The following RAG1 variants were observed in gnomAD, a reference collection of about 807,000 sequenced individuals.
The protein encoded by RAG1 is recombination activating 1.
RAG1 carries 35 observed loss-of-function variants against 62.7 expected under a neutral mutation model. The ratio of observed to expected loss-of-function variants is 0.56; its 90% CI spans 0.43 to 0.74. The LOEUF (loss-of-function observed/expected upper bound fraction) is 0.74, where lower values mean the gene tolerates loss of function less well. RAG1 is among the 30% of genes least tolerant of loss of function. The pLI is 0.00. For synonymous variants in RAG1, 461 were observed against 470.3 expected, an observed-to-expected ratio of 0.98 and a Z score of 0.26; for missense variants, 1,169 against 1,278.6, an observed-to-expected ratio of 0.91 and a Z score of 1.31.
At chr11:36,541,882 T>TA (rs1177859768) in intron 3 of RAG1, among the ~76,000 whole-genome samples, 10 of 150,940 alleles carry the variant, frequency 6.6e-5, no homozygotes, top group Non-Finnish European at 1.0e-4. Context: ...AAGACGACCC[T>TA]AAAAAAAAAC....
At chr11:36,551,244 CCCTT>C (rs1850476848) in intron 3 of RAG1, among the ~76,000 whole-genome samples, 1 of 152,080 alleles carries the variant, frequency 6.6e-6, no homozygotes. Context: ...ATTTATGACT[CCCTT>C]CCTTTGGCAT....
In RAG1 at chr11:36,512,235, G is replaced by A. The variant is rs115594242; in HGVS notation, n.330+1197G>A. Among the ~76,000 whole-genome samples the A allele has an allele frequency of 3.2e-3, 480 of 152,296 alleles. 2 individuals are homozygous for A. The highest frequency in any genetic ancestry group is 0.011 in the African/African-American group (440 of 41,568). ...ATGCATATCATTCCTAGGTCAAAGC[G>A]TTTTATTTTCATTGCAAGACTGTTT... On this transcript the variant is annotated intron_variant and non_coding_transcript_variant, in intron 1 of 2. Transcript: ENST00000529126.
In RAG1 at chr11:36,575,557, A is replaced by C; in HGVS notation, c.2253A>C (p.Arg751Ser). The change falls in exon 2 of 2, where the codon AGA becomes AGC. Residue 751 changes from arginine to serine, a missense_variant. Arg to Ser is a moderately radical substitution (Grantham distance 110). Around this residue, in one of 2 missense-constraint regions of RAG1, gnomAD observed 800 missense variants for 943.3 expected, o/e 0.85. Transcript: ENST00000299440. This position sits in a 1 kb window ranked among gnomAD's most constrained non-coding sequence, Gnocchi z 4.1. ...ATCTTGTCTTCCACTCTATAACCAG[A>C]AGCCATGCTGAGAACCTGGAACGTT... is the stretch of plus-strand genomic sequence containing the variant. ...SQNLVFHSITRSHAENLERYE... is the reference protein window; with the variant it reads ...SQNLVFHSITSSHAENLERYE... 1 of 1,614,180 alleles carries C rather than the reference A, an allele frequency of 6.2e-7. No individual in the cohort carries two copies. Among genetic ancestry groups the C allele is most frequent in the Non-Finnish European group, 8.5e-7 (1 of 1,180,038 alleles).
chr11:36,570,631 C>T (rs568252585), intron 1 of RAG1, among the ~76,000 whole-genome samples: 9 of 152,286 alleles, frequency 5.9e-5, no homozygotes, highest in Non-Finnish European at 1.2e-4. Context: ...AATTTACATT[C>T]CTACCAACTG....
chr11:36,546,372 T>A (rs1850392879), intron 3 of RAG1, among the ~76,000 whole-genome samples: 1 of 152,200 alleles, frequency 6.6e-6, no homozygotes, highest in Non-Finnish European at 1.5e-5. Flanking sequence ...GTTTAAAGTC[T>A]GTTTTATTAG....
rs377252087 is a variant in RAG1 at position 36,575,541 on chromosome 11, T to G, written c.2237T>G (p.Phe746Cys). 1.9e-6 allele frequency: 3 copies of G among 1,614,086 alleles called. No individual in the cohort carries two copies. In the African/African-American group the frequency reaches 4.0e-5, roughly 22 times the overall value. ...CTGGAAGCCTCTCAAAATCTTGTCT[T>G]CCACTCTATAACCAGAAGCCATGCT... ...TRLEASQNLV[F>C]HSITRSHAEN... The change falls in exon 2 of 2, where the codon TTC becomes TGC. Residue 746 changes from phenylalanine (F) to cysteine (C), a missense_variant. Phe to Cys is a radical substitution (Grantham distance 205). Around this residue, in one of 2 missense-constraint regions of RAG1, gnomAD observed 800 missense variants for 943.3 expected, o/e 0.85. Coordinates refer to ENST00000299440, the MANE Select transcript of RAG1 (RefSeq NM_000448.3). The surrounding 1 kb of genome is among the most constrained non-coding windows in gnomAD (Gnocchi z 4.1).
rs1317842420 is a variant in RAG1 at position 36,575,046 on chromosome 11, T to C, written c.1742T>C (p.Met581Thr). 15 of 1,614,050 alleles carry C rather than the reference T, an allele frequency of 9.3e-6. No individual in the cohort carries two copies. Among genetic ancestry groups the C allele is most frequent in the Non-Finnish European group, 1.1e-5 (13 of 1,179,946 alleles). ...ATGGAAGAAGACATCTTGGAAGGCA[T>C]GAGATCCCAAGACCTTGATGATTAC... is the stretch of plus-strand genomic sequence containing the variant. ...MDMEEDILEG[M>T]RSQDLDDYLN... Residue 581 changes from methionine to threonine, a missense_variant, in exon 2 of 2, where the codon ATG becomes ACG. This residue lies in a region of RAG1 where 800 missense variants were observed against 943.3 expected (regional missense o/e 0.85). Coordinates refer to ENST00000299440, the MANE Select transcript of RAG1 (RefSeq NM_000448.3). The surrounding 1 kb of genome is among the most constrained non-coding windows in gnomAD (Gnocchi z 4.1).
intron 2 of RAG1, among the ~76,000 whole-genome samples, chr11:36,521,999 G>A (rs1225562696): frequency 6.6e-6 from 1 of 152,000 alleles, no homozygotes; most frequent in Non-Finnish European, 1.5e-5. Flanking sequence ...TGCTGTTAAA[G>A]GCATTCAGTT....
Position 36,574,865 on chromosome 11 carries a change from G to C in RAG1, c.1561G>C (p.Glu521Gln). The change falls in exon 2 of 2, where the codon GAG becomes CAG. Residue 521 changes from glutamate to glutamine, a missense_variant. Physicochemically the swap from Glu to Gln is conservative, Grantham distance 29. Coordinates refer to ENST00000299440, the MANE Select transcript of RAG1 (RefSeq NM_000448.3). ...KVLLPGYHHF[E>Q]WQPPLKNVSS... is the part of the protein sequence containing the mutation. ...ACTTCTGCCAGGCTACCACCACTTT[G>C]AGTGGCAGCCACCTCTGAAGAATGT... 6.2e-7 allele frequency: 1 copy of C among 1,614,234 alleles called. No individual in the cohort carries two copies. The highest frequency in any genetic ancestry group is 1.1e-5 in the South Asian group (1 of 91,086).
chr11:36,543,769 T>C (rs1445462334), intron 3 of RAG1, among the ~76,000 whole-genome samples: 1 of 152,238 alleles, frequency 6.6e-6, no homozygotes, highest in Non-Finnish European at 1.5e-5. Flanking sequence ...TCAACCTTTT[T>C]GGGGGGAACT....
intron 3 of RAG1, among the ~76,000 whole-genome samples, chr11:36,548,734 G>A (rs918290462): frequency 6.6e-6 from 1 of 152,124 alleles, no homozygotes; most frequent in Non-Finnish European, 1.5e-5. Flanking sequence ...TCCCCATCAA[G>A]CTACCAATGA....
chr11:36,562,020 T>A (rs560592559), intron 3 of RAG1, among the ~76,000 whole-genome samples: 1 of 152,248 alleles, frequency 6.6e-6, no homozygotes, highest in South Asian at 2.1e-4. Context: ...GGAGAAAAGA[T>A]GGAAAAGGCA....
intron 1 of RAG1, among the ~76,000 whole-genome samples, chr11:36,514,450 G>T (rs1385507033): frequency 6.6e-6 from 1 of 152,236 alleles, no homozygotes; most frequent in Non-Finnish European, 1.5e-5. Context: ...ACAGAGCAGA[G>T]TGGGGCAGAG....
Position 36,572,718 on chromosome 11 carries a change from A to C in RAG1, c.-14-573A>C, listed in dbSNP as rs1237997369. 2.6e-5 allele frequency among the ~76,000 whole-genome samples: 4 copies of C among 152,274 alleles called. No individual in the cohort carries two copies. The East Asian group carries it at 7.7e-4, about 29-fold the overall frequency. On this transcript the variant is annotated intron_variant, in intron 1 of 1. Transcript: ENST00000299440. ...ATTAGTTTGCATTCATAAAGCTCAA[A>C]ATTCACTTCATCCTTTCAAGTAGTG...
chr11:36,571,579 A>G (rs1207869613), intron 1 of RAG1, among the ~76,000 whole-genome samples: 1 of 152,154 alleles, frequency 6.6e-6, no homozygotes, highest in Non-Finnish European at 1.5e-5. Flanking sequence ...CTGTGAATCA[A>G]GTCTTAGAAA....
rs1180910221 is a variant in RAG1 at position 36,574,295 on chromosome 11, T to G, written c.991T>G (p.Cys331Gly). 6.2e-7 allele frequency: 1 copy of G among 1,614,198 alleles called. No homozygotes were observed. Among genetic ancestry groups the G allele is most frequent in the Non-Finnish European group, 8.5e-7 (1 of 1,180,028 alleles). The change falls in exon 2 of 2, where the codon TGC becomes GGC. Residue 331 changes from cysteine (C) to glycine (G), a missense_variant. Coordinates refer to ENST00000299440, the MANE Select transcript of RAG1 (RefSeq NM_000448.3). ...AGTCATGGGCAGCTATTGTCCCTCT[T>G]GCCGATATCCATGCTTCCCTACTGA... is the stretch of plus-strand genomic sequence containing the variant. ...LKVMGSYCPS[C>G]RYPCFPTDLE... is the part of the protein sequence containing the mutation.
downstream of RAG1, among the ~76,000 whole-genome samples, chr11:36,539,163 G>C (rs1309415352): frequency 2.0e-5 from 3 of 152,186 alleles, no homozygotes; most frequent in Non-Finnish European, 2.9e-5. Flanking sequence ...TAAGGGTGGG[G>C]TCTTAACCCA....
intron 2 of RAG1, among the ~76,000 whole-genome samples, chr11:36,535,580 C>G (rs1439308345): frequency 1.1e-4 from 17 of 151,980 alleles, no homozygotes; most frequent in Non-Finnish European, 2.5e-4. Flanking sequence ...TTTGTCTTTA[C>G]TAAAAATTCA....
chr11:36,551,657 G>T (rs1157392350), intron 3 of RAG1, among the ~76,000 whole-genome samples: 1 of 136,140 alleles, frequency 7.3e-6, no homozygotes, highest in African/African-American at 2.8e-5. Flanking sequence ...TGCACATTGT[G>T]CAGGTTAGTT....
Sources: allele counts gnomAD v4.1 joint callset (sites outside exome capture counted in the v4.1 genomes callset), GRCh38; gene constraint gnomAD v4.1.1; regional missense constraint gnomAD v4.1.1; non-coding constraint Gnocchi (gnomAD v3.1); transcripts MANE v1.5; gene names NCBI Gene and HGNC (gene_info 2026-07-23, HGNC 2026-07-21).